The following INPP4B variants were observed in gnomAD, a reference collection of about 807,000 sequenced individuals.
INPP4B encodes the protein inositol polyphosphate-4-phosphatase type II B.
Under a neutral mutation model 122.5 loss-of-function variants are expected in INPP4B, and 55 were observed. The observed-to-expected ratio is 0.45, with a 90% CI of 0.36 to 0.56. INPP4B has a LOEUF of 0.56. Ranked by LOEUF, INPP4B falls within the 20% of genes least tolerant of loss-of-function variation. The pLI is 0.00. For missense variants in INPP4B, 1,000 were observed against 1,097.7 expected, an observed-to-expected ratio of 0.91 and a Z score of 1.26; for synonymous variants, 403 against 388.7, an observed-to-expected ratio of 1.04 and a Z score of -0.43.
rs369973499 is a variant in INPP4B at position 142,124,877 on chromosome 4, A to G, written c.1721-117T>C. 1.5e-5 allele frequency: 11 copies of G among 748,140 alleles called. No homozygotes were observed. In the African/African-American group the frequency reaches 1.6e-4, roughly 11 times the overall value. 46.3% of individuals were successfully genotyped at this position (748,140 alleles called of 1,614,324 possible). A position where few individuals can be genotyped will look rare whatever the true frequency, so the allele number is the denominator to read the frequency against. On this transcript the variant is annotated intron_variant, in intron 18 of 25. Coordinates refer to ENST00000262992, the MANE Select transcript of INPP4B (RefSeq NM_001101669.3). Reference sequence around the variant, plus strand: ...CAGTAAGTTAGACATATTCTTAAGGATTCACAAAGATTAGAGCTGAAGATC... The same window carrying G: ...CAGTAAGTTAGACATATTCTTAAGGGTTCACAAAGATTAGAGCTGAAGATC...
chr4:142,689,777 A>T (rs1759898222), intron 2 of INPP4B, among the ~76,000 whole-genome samples: 1 of 152,178 alleles, frequency 6.6e-6, no homozygotes, highest in Non-Finnish European at 1.5e-5. Context: ...AACATTTGTG[A>T]TTAAGCAAAT....
chr4:142,282,061 G>A (rs1751451959), intron 9 of INPP4B, among the ~76,000 whole-genome samples: 1 of 152,062 alleles, frequency 6.6e-6, no homozygotes, highest in South Asian at 2.1e-4. Flanking sequence ...AAACAAATGT[G>A]ATATGTCAAA....
chr4:142,082,471 G>T (rs1243461630), intron 24 of INPP4B, among the ~76,000 whole-genome samples: 1 of 152,126 alleles, frequency 6.6e-6, no homozygotes, highest in Non-Finnish European at 1.5e-5. Context: ...CACTACCCAA[G>T]GGGGGTGCCT....
intron 2 of INPP4B, among the ~76,000 whole-genome samples, chr4:142,612,879 G>T (rs2150344753): frequency 6.6e-6 from 1 of 152,212 alleles, no homozygotes; most frequent in East Asian, 1.9e-4. Context: ...ACAGAACCCT[G>T]ACTGTTAGCT....
chr4:142,469,914 A>G (rs2149670563), intron 2 of INPP4B, among the ~76,000 whole-genome samples: 1 of 152,294 alleles, frequency 6.6e-6, no homozygotes, highest in East Asian at 1.9e-4. Context: ...TTTATAAAAA[A>G]GAAATGAAGT....
intron 14 of INPP4B, among the ~76,000 whole-genome samples, chr4:142,200,254 T>C (rs1840078551): frequency 6.6e-6 from 1 of 151,950 alleles, no homozygotes; most frequent in Non-Finnish European, 1.5e-5. Flanking sequence ...GCCCTTTATG[T>C]ATACCTATTC....
intron 2 of INPP4B, among the ~76,000 whole-genome samples, chr4:142,574,713 C>T (rs902717183): frequency 6.6e-6 from 1 of 152,104 alleles, no homozygotes; most frequent in African/African-American, 2.4e-5. Flanking sequence ...AAGAATTCAG[C>T]AAGTTTTCTC....
chr4:142,357,965 T>G (rs1294503778), intron 7 of INPP4B, among the ~76,000 whole-genome samples: 1 of 152,028 alleles, frequency 6.6e-6, no homozygotes, highest in East Asian at 1.9e-4. Context: ...AGACTTGATA[T>G]GTTTCTTTAC....
chr4:142,385,287 C>A (rs1251324210), intron 7 of INPP4B, among the ~76,000 whole-genome samples: 1 of 151,324 alleles, frequency 6.6e-6, no homozygotes, highest in Non-Finnish European at 1.5e-5. Flanking sequence ...TTTGACTTTT[C>A]AATTATAGCC....
chr4:142,098,639 A>T (rs115618143), intron 23 of INPP4B, among the ~76,000 whole-genome samples: 187 of 152,194 alleles, frequency 1.2e-3, no homozygotes, highest in African/African-American at 4.3e-3. Context: ...TGGAAAGGGG[A>T]TGTGAAAGAG....
At chr4:142,845,409 G>A (rs1433648714) in intron 1 of INPP4B, among the ~76,000 whole-genome samples, 1 of 152,140 alleles carries the variant, frequency 6.6e-6, no homozygotes, top group Non-Finnish European at 1.5e-5. Context: ...CTGCCTGAGC[G>A]CCAGAGAGCT....
chr4:142,141,712 G>A (rs1433621439), intron 18 of INPP4B, among the ~76,000 whole-genome samples: 1 of 151,914 alleles, frequency 6.6e-6, no homozygotes, highest in African/African-American at 2.4e-5. Flanking sequence ...TTACTAAAAG[G>A]AAAATTTGCA....
chr4:142,052,314 GCT>G (rs1281243043), intron 25 of INPP4B, among the ~76,000 whole-genome samples: 2 of 151,862 alleles, frequency 1.3e-5, no homozygotes, highest in African/African-American at 4.8e-5. Context: ...AAATGCTATT[GCT>G]CTTTTTATTA....
At chr4:142,109,166 A>G (rs1451151470) in intron 22 of INPP4B, among the ~76,000 whole-genome samples, 1 of 148,584 alleles carries the variant, frequency 6.7e-6, no homozygotes, top group Non-Finnish European at 1.5e-5. Flanking sequence ...AACCACTGTC[A>G]TTATATATTA....
intron 12 of INPP4B, among the ~76,000 whole-genome samples, chr4:142,222,798 A>T (rs1049941024): frequency 1.3e-5 from 2 of 152,186 alleles, no homozygotes; most frequent in African/African-American, 4.8e-5. Flanking sequence ...CAGCATACCT[A>T]TGAAGTGTGC....
intron 2 of INPP4B, among the ~76,000 whole-genome samples, chr4:142,640,184 C>T (rs1483751068): frequency 6.6e-6 from 1 of 151,668 alleles, no homozygotes; most frequent in Non-Finnish European, 1.5e-5. Flanking sequence ...ACAGATATTC[C>T]AATGGTACCT....
At chr4:142,306,232 T>G (rs1006598192) in intron 8 of INPP4B, among the ~76,000 whole-genome samples, 1 of 25,026 alleles carries the variant, frequency 4.0e-5, no homozygotes. Context: ...CCAAATTGTT[T>G]TTTTTTTTTT....
intron 10 of INPP4B, among the ~76,000 whole-genome samples, chr4:142,262,233 C>A (rs2150408192): frequency 6.6e-6 from 1 of 152,236 alleles, no homozygotes; most frequent in African/African-American, 2.4e-5. Flanking sequence ...AGTCTTATGG[C>A]TTACAGGGGA....
intron 2 of INPP4B, among the ~76,000 whole-genome samples, chr4:142,544,619 T>G (rs568627534): frequency 6.6e-6 from 1 of 152,288 alleles, no homozygotes; most frequent in African/African-American, 2.4e-5. Context: ...ATGCTTTATA[T>G]TCCTTCCTAC....
Sources: allele counts gnomAD v4.1 joint callset (sites outside exome capture counted in the v4.1 genomes callset), GRCh38; gene constraint gnomAD v4.1.1; transcripts MANE v1.5; gene names NCBI Gene and HGNC (gene_info 2026-07-23, HGNC 2026-07-21).